The following RXRA variants were observed in gnomAD, a reference collection of about 807,000 sequenced individuals.
The protein encoded by RXRA is retinoic acid receptor RXR-alpha.
A neutral mutation model predicts 44.5 loss-of-function variants in RXRA; 5 were observed. The ratio of observed to expected loss-of-function variants is 0.11; its 90% confidence interval spans 0.06 to 0.24. The LOEUF (loss-of-function observed/expected upper bound fraction) is 0.24. Ranked by LOEUF, RXRA falls within the 10% of genes least tolerant of loss-of-function variation. RXRA has a pLI of 1.00. For synonymous variants in RXRA, 291 were observed against 271.4 expected, an observed-to-expected ratio of 1.07 and a Z score of -0.71; for missense variants, 412 against 646.5, an observed-to-expected ratio of 0.64 and a Z score of 3.93.
In RXRA at chr9:134,419,004, C is replaced by T. The variant is rs115651217; in HGVS notation, c.780+1677C>T. Among the ~76,000 whole-genome samples, 840 of 152,344 alleles carry T rather than the reference C, an allele frequency of 5.5e-3. 10 individuals carry two copies. Among genetic ancestry groups the T allele is most frequent in the African/African-American group, 0.02 (812 of 41,584 alleles). ...AGGACAACCTGGTGCCCCCACGTCC[C>T]CGGCTCTGCTCAGACCTCTACTCTG... is the stretch of plus-strand genomic sequence containing the variant. On this transcript the variant is annotated intron_variant, in intron 5 of 9. Transcript: ENST00000481739.
chr9:134,381,133 A>T (rs1210864633), intron 1 of RXRA, among the ~76,000 whole-genome samples: 1 of 152,162 alleles, frequency 6.6e-6, no homozygotes, highest in Non-Finnish European at 1.5e-5. Context: ...GATTTGAGGA[A>T]GGACAGACAT....
rs1258196434 is a variant in RXRA at position 134,407,708 on chromosome 9, G to C, written c.280-441G>C. Among the ~76,000 whole-genome samples, 1 of 152,120 alleles carries C rather than the reference G, an allele frequency of 6.6e-6. No homozygotes were observed. The highest frequency in any genetic ancestry group is 2.1e-4 in the South Asian group (1 of 4,832). On this transcript the variant is annotated intron_variant, in intron 2 of 9. Coordinates refer to ENST00000481739, the MANE Select transcript of RXRA (RefSeq NM_002957.6). This position sits in a 1 kb window ranked among gnomAD's most constrained non-coding sequence, Gnocchi z 4.8. ...AGCCCTCCTCCGTCCTGGGAACTGG[G>C]CTTCGGCGTCCTCATGTGTGGGTTG...
At chr9:134,332,964 C>A (rs1470576020) in intron 1 of RXRA, among the ~76,000 whole-genome samples, 1 of 152,224 alleles carries the variant, frequency 6.6e-6, no homozygotes, top group South Asian at 2.1e-4. Context: ...GCCTGGGGGT[C>A]GTCTTTCCCG....
intron 4 of RXRA, among the ~76,000 whole-genome samples, chr9:134,409,743 C>A (rs556261151): frequency 6.6e-6 from 1 of 152,174 alleles, no homozygotes; most frequent in Admixed American, 6.5e-5. Context: ...TCAGGTTTGG[C>A]GATTCCTGGC....
rs1227459096 is a variant in RXRA at position 134,349,468 on chromosome 9, G to A, written c.28+22809G>A. ...AAGAGGCTGGCTCAGGTGGGCTGGG[G>A]TCTTCAGCTGCCACACCTGGCAGTG... On this transcript the variant is annotated intron_variant, in intron 1 of 9. Transcript: ENST00000481739. The surrounding 1 kb of genome is among the most constrained non-coding windows in gnomAD (Gnocchi z 4.3). Among the ~76,000 whole-genome samples, 1 of 152,170 alleles carries A rather than the reference G, an allele frequency of 6.6e-6. No homozygotes were observed. The highest frequency in any genetic ancestry group is 1.9e-4 in the East Asian group (1 of 5,182).
intron 1 of RXRA, among the ~76,000 whole-genome samples, chr9:134,336,812 G>A (rs1336531794): frequency 1.3e-5 from 2 of 152,200 alleles, no homozygotes; most frequent in Non-Finnish European, 2.9e-5. Context: ...GGGTGAGCCC[G>A]TTCCTTGCAA....
chr9:134,337,669 T>TGC (rs1830027122), intron 1 of RXRA, among the ~76,000 whole-genome samples: 1 of 152,034 alleles, frequency 6.6e-6, no homozygotes, highest in Admixed American at 6.6e-5. Flanking sequence ...TCATGAAGGA[T>TGC]GCGTAGGAGT....
chr9:134,358,711 C>G lies in RXRA; in HGVS notation c.28+32052C>G, dbSNP rs149339564. ...TCGTCTGCAGGACTGGGCAGAGCCC[C>G]TGGACCCTGCCTGAGACAAGCAGTT... is the stretch of plus-strand genomic sequence containing the variant. On this transcript the variant is annotated intron_variant, in intron 1 of 9. Coordinates refer to ENST00000481739, the MANE Select transcript of RXRA (RefSeq NM_002957.6). Among the ~76,000 whole-genome samples, 650 of 152,350 alleles carry G rather than the reference C, an allele frequency of 4.3e-3. 9 individuals are homozygous for G. The highest frequency in any genetic ancestry group is 0.015 in the African/African-American group (610 of 41,596).
intron 1 of RXRA, among the ~76,000 whole-genome samples, chr9:134,373,538 C>G (rs1448585333): frequency 6.6e-6 from 1 of 152,184 alleles, no homozygotes; most frequent in Non-Finnish European, 1.5e-5. Flanking sequence ...TTTTTTTGAC[C>G]CAGATCTTCC....
At chr9:134,423,866 G>A (rs1190743870) in intron 6 of RXRA, 6 of 985,426 alleles carry the variant, frequency 6.1e-6, no homozygotes, top group Non-Finnish European at 4.8e-6. Context: ...GAGAGAGGGC[G>A]GTGCTCCCAC....
rs775811400 is a variant in RXRA, at chr9:134,421,982, C to T, written c.910+177C>T. 3.4e-6 allele frequency: 5 copies of T among 1,490,470 alleles called. No homozygotes were observed. In the East Asian group the frequency reaches 8.0e-5, roughly 24 times the overall value. The allele number at this position is 1,490,470 out of a possible 1,614,324, so 92.3% of individuals were successfully genotyped here. On this transcript the variant is annotated intron_variant, in intron 6 of 9. Transcript: ENST00000481739. Reference sequence around the variant, plus strand: ...CACTCCCCTCTCCTGGGACACACTCCTACCTCCCGGGACACTCCCCCTTCC... The same window carrying T: ...CACTCCCCTCTCCTGGGACACACTCTTACCTCCCGGGACACTCCCCCTTCC...
intron 1 of RXRA, chr9:134,379,607 C>T (rs184134107): frequency 6.1e-6 from 6 of 985,404 alleles, no homozygotes; most frequent in African/African-American, 1.7e-5. Context: ...TGCTCCCTGA[C>T]AGCCGCAGGG....
chr9:134,423,407 G>T (rs1334581919), intron 6 of RXRA: 1 of 985,346 alleles, frequency 1.0e-6, no homozygotes, highest in African/African-American at 1.7e-5. Flanking sequence ...ATACAAGGCG[G>T]CTCCTAAGTG....
At chr9:134,327,287 G>C (rs901642878) in intron 1 of RXRA, among the ~76,000 whole-genome samples, 3 of 152,176 alleles carry the variant, frequency 2.0e-5, no homozygotes, top group Non-Finnish European at 1.5e-5. Context: ...GCACCCCCGG[G>C]TGTTCTCCCA....
In RXRA at chr9:134,408,156, C is replaced by T. The variant is rs778453074; in HGVS notation, c.287C>T (p.Ser96Leu). The stretch of plus-strand genomic sequence containing the variant: ...TGTGGTTGCCCCCCCCAGCTCAGCT[C>T]ACCTATGAACCCCGTCAGCAGCAGC... Reference protein sequence around the residue: ...GFSTGSPQLSSPMNPVSSSED... With the variant: ...GFSTGSPQLSLPMNPVSSSED... The change falls in exon 3 of 10, where the codon TCA becomes TTA. Residue 96 changes from serine (S) to leucine (L), a missense_variant. By Grantham distance (145) the Ser-to-Leu change is moderately radical (BLOSUM62 -2). This residue lies in a region of RXRA where 156 missense variants were observed against 177.2 expected (regional missense o/e 0.88). Transcript: ENST00000481739. The T allele has an allele frequency of 7.0e-6, 11 of 1,563,088 alleles. No individual in the cohort carries two copies. Among genetic ancestry groups the T allele is most frequent in the Non-Finnish European group, 8.7e-6 (10 of 1,155,740 alleles).
intron 2 of RXRA, 88 bp from the exon 3 acceptor site, chr9:134,408,061 A>G (rs963937625): frequency 9.9e-7 from 1 of 1,012,124 alleles, no homozygotes; most frequent in Non-Finnish European, 1.4e-6. Context: ...TTGGGGGTAC[A>G]GCTGCGCCAT....
intron 1 of RXRA, among the ~76,000 whole-genome samples, chr9:134,399,088 C>T (rs897221630): frequency 5.3e-5 from 8 of 152,360 alleles, no homozygotes; most frequent in Non-Finnish European, 1.2e-4. Context: ...GCTGAGTACG[C>T]GTGCCTGTCT....
At chr9:134,408,592 G>A (rs1449635806) in intron 3 of RXRA, among the ~76,000 whole-genome samples, 2 of 152,224 alleles carry the variant, frequency 1.3e-5, no homozygotes, top group East Asian at 3.9e-4. Flanking sequence ...CCAGTGCTGC[G>A]CCTCCTCCCT....
At chr9:134,400,400 C>T (rs555125710) in intron 1 of RXRA, among the ~76,000 whole-genome samples, 1 of 152,332 alleles carries the variant, frequency 6.6e-6, no homozygotes, top group South Asian at 2.1e-4. Context: ...CTCGACTCCC[C>T]AGAAGTGCCT....
Sources: allele counts gnomAD v4.1 joint callset (sites outside exome capture counted in the v4.1 genomes callset), GRCh38; gene constraint gnomAD v4.1.1; regional missense constraint gnomAD v4.1.1; non-coding constraint Gnocchi (gnomAD v3.1); transcripts MANE v1.5; gene names NCBI Gene and HGNC (gene_info 2026-07-23, HGNC 2026-07-21).